AGO3: variants seen among roughly 807,000 people sequenced by gnomAD.
AGO3 encodes argonaute RISC catalytic component 3, also known as protein argonaute-3.
AGO3 carries 16 observed loss-of-function variants against 105.5 expected under a neutral mutation model. The observed-to-expected ratio is 0.15, with a 90% CI of 0.10 to 0.23. AGO3 has a LOEUF of 0.23. Ranked by LOEUF, AGO3 falls within the 10% of genes least tolerant of loss-of-function variation. The probability of loss-of-function intolerance (pLI) is 1.00; values close to 1 mark genes in which losing one functional copy is unlikely to be tolerated. For missense variants in AGO3, 534 were observed against 1,088.0 expected (o/e 0.49, Z 7.16); for synonymous variants, 340 against 367.3 (o/e 0.93, Z 0.85).
Position 35,945,679 on chromosome 1 carries a change from T to A in AGO3, c.20-13T>A, listed in dbSNP as rs1296610921. The A allele has an allele frequency of 6.2e-7, 1 of 1,607,020 alleles. No individual in the cohort carries two copies. Among genetic ancestry groups the A allele is most frequent in the Non-Finnish European group, 8.5e-7 (1 of 1,178,302 alleles). ...GTAACTGTGACTCTTTTTTTTTCCC[T>A]TTCCCCTGGCAGGACCCGCTGGGGC... is the stretch of plus-strand genomic sequence containing the variant. On this transcript the variant is annotated splice_polypyrimidine_tract_variant and intron_variant, in intron 1 of 18. Transcript: ENST00000373191.
intron 9 of AGO3, 81 bp from the exon 10 acceptor site, chr1:36,013,548 GA>G (rs1290446656): frequency 1.3e-5 from 20 of 1,543,068 alleles, no homozygotes; most frequent in East Asian, 2.3e-5. Context: ...ACACAGTGAA[GA>G]AAAAAAAGAG....
Position 36,036,995 on chromosome 1 carries a change from C to T in AGO3, c.1842+728C>T, listed in dbSNP as rs531264259. ...ACAGGTGTGAGCTACCGTGCCCAGC[C>T]AAATTCTTTATTTTACTACTGCCAC... On this transcript the variant is annotated intron_variant, in intron 14 of 18. Transcript: ENST00000373191. Among the ~76,000 whole-genome samples, 4 of 152,222 alleles carry T rather than the reference C, an allele frequency of 2.6e-5. No individual in the cohort carries two copies. The South Asian group carries it at 8.3e-4, about 32-fold the overall frequency.
chr1:36,017,936 C>G (rs1295563395), intron 11 of AGO3, among the ~76,000 whole-genome samples: 1 of 151,450 alleles, frequency 6.6e-6, no homozygotes, highest in African/African-American at 2.4e-5. Context: ...GAAAAATAAA[C>G]TAACAAATAA....
chr1:36,055,969 C>T lies in AGO3; in HGVS notation c.*224C>T, dbSNP rs987339037. The T allele has an allele frequency of 6.5e-6, 3 of 461,934 alleles. No homozygotes were observed. Among genetic ancestry groups the T allele is most frequent in the African/African-American group, 2.0e-5 (1 of 50,932 alleles). 28.6% of individuals were successfully genotyped at this position (461,934 alleles called of 1,614,324 possible). On this transcript the variant is annotated 3_prime_UTR_variant, in exon 19 of 19. Transcript: ENST00000373191. The surrounding 1 kb of genome is among the most constrained non-coding windows in gnomAD (Gnocchi z 4.4). ...TGAAACCAGCCAACTGCTTTTTGTGCGGTCTCCTATAGGAAGTATCGCAAT... is the reference window on the plus strand; with the variant it reads ...TGAAACCAGCCAACTGCTTTTTGTGTGGTCTCCTATAGGAAGTATCGCAAT...
chr1:36,002,383 G>C (rs1323154579), intron 5 of AGO3, among the ~76,000 whole-genome samples: 1 of 144,448 alleles, frequency 6.9e-6, no homozygotes, highest in Non-Finnish European at 1.5e-5. Flanking sequence ...AGGGTGGAGT[G>C]CAGTGGCGTG....
At chr1:35,965,758 T>G (rs951483604) in intron 2 of AGO3, among the ~76,000 whole-genome samples, 9 of 151,948 alleles carry the variant, frequency 5.9e-5, no homozygotes, top group Admixed American at 5.2e-4. Flanking sequence ...GCTTGATGTT[T>G]TTATTGTTCC....
At chr1:36,005,696 C>G in intron 6 of AGO3, 13 of 984,994 alleles carry the variant, frequency 1.3e-5, no homozygotes, top group Non-Finnish European at 1.6e-5. Flanking sequence ...ATGCAATCAA[C>G]TCATATCACC....
intron 5 of AGO3, among the ~76,000 whole-genome samples, chr1:36,003,321 C>T (rs1439935554): frequency 6.6e-6 from 1 of 151,978 alleles, no homozygotes; most frequent in Non-Finnish European, 1.5e-5. Context: ...AGTTCCAAAA[C>T]CCATGGTTAA....
At chr1:35,969,067 AGTT>A (rs1646821847) in intron 3 of AGO3, among the ~76,000 whole-genome samples, 1 of 152,088 alleles carries the variant, frequency 6.6e-6, no homozygotes, top group Non-Finnish European at 1.5e-5. Flanking sequence ...TCTGTGGTCA[AGTT>A]GTTTGCCCAT....
At chr1:35,966,540 A>G (rs767296090) in intron 2 of AGO3, among the ~76,000 whole-genome samples, 15 of 152,236 alleles carry the variant, frequency 9.9e-5, no homozygotes, top group Admixed American at 2.0e-4. Context: ...AATTGAAAAT[A>G]TATAATCATT....
chr1:36,002,105 C>T (rs934234210), intron 5 of AGO3, among the ~76,000 whole-genome samples: 11 of 152,044 alleles, frequency 7.2e-5, no homozygotes, highest in East Asian at 5.8e-4. Flanking sequence ...CTGCAACCTT[C>T]GCCTCATGGG....
At chr1:35,939,762 T>C (rs1646218490) in intron 1 of AGO3, among the ~76,000 whole-genome samples, 1 of 152,136 alleles carries the variant, frequency 6.6e-6, no homozygotes, top group Non-Finnish European at 1.5e-5. Context: ...TATTTTACTA[T>C]AGAGAATTTA....
intron 17 of AGO3, among the ~76,000 whole-genome samples, chr1:36,054,586 AAG>A (rs1444829282): frequency 6.6e-6 from 1 of 152,166 alleles, no homozygotes; most frequent in Non-Finnish European, 1.5e-5. Flanking sequence ...ATTTATTAAA[AAG>A]TTCAAAATTG....
chr1:35,946,079 T>A (rs981880357), intron 2 of AGO3, among the ~76,000 whole-genome samples: 2 of 152,176 alleles, frequency 1.3e-5, no homozygotes, highest in Admixed American at 6.5e-5. Context: ...ATTTTCCCTG[T>A]GATAATAGAA....
At chr1:35,994,630 A>G (rs895641174) in intron 5 of AGO3, among the ~76,000 whole-genome samples, 2 of 152,222 alleles carry the variant, frequency 1.3e-5, no homozygotes, top group Non-Finnish European at 2.9e-5. Context: ...TAAAGAATCT[A>G]CCAAAACAAA....
intron 11 of AGO3, among the ~76,000 whole-genome samples, chr1:36,024,513 C>G (rs1259112154): frequency 6.6e-6 from 1 of 152,062 alleles, no homozygotes; most frequent in Non-Finnish European, 1.5e-5. Flanking sequence ...TTTTCATTAT[C>G]TATCTGCTCT....
intron 2 of AGO3, among the ~76,000 whole-genome samples, chr1:35,947,228 A>G (rs1048299124): frequency 2.6e-5 from 4 of 152,110 alleles, no homozygotes; most frequent in Non-Finnish European, 4.4e-5. Context: ...ATTACATGTT[A>G]ATTACAACAT....
At chr1:36,036,048 AAAAAAT>A in intron 13 of AGO3, 123 bp from the exon 14 acceptor site, 2 of 788,432 alleles carry the variant, frequency 2.5e-6, no homozygotes, top group Non-Finnish European at 3.8e-6. Context: ...AAAAAAAAAA[AAAAAAT>A]TTGGATTACA....
rs536075128 is a variant in AGO3, at chr1:35,995,017, G to A, written c.659-9324G>A. ...AGTTTGCGACCAGCCTGGGCAACACGGTGAAACCCTATCTCTACTAAAATA... is the reference window on the plus strand; with the variant it reads ...AGTTTGCGACCAGCCTGGGCAACACAGTGAAACCCTATCTCTACTAAAATA... On this transcript the variant is annotated intron_variant, in intron 5 of 18. Transcript: ENST00000373191. Among the ~76,000 whole-genome samples the A allele has an allele frequency of 4.0e-5, 6 of 151,490 alleles. No individual in the cohort carries two copies. In the Middle Eastern group the frequency reaches 0.01, roughly 259 times the overall value.
Sources: gnomAD v4.1 joint callset for allele counts (sites outside exome capture counted in the v4.1 genomes callset) on GRCh38, gnomAD v4.1.1 for gene constraint, Gnocchi (gnomAD v3.1) non-coding constraint, MANE v1.5 for transcripts, NCBI Gene and HGNC (gene_info 2026-07-23, HGNC 2026-07-21) for gene names.